The following SNAPC1 variants were observed in gnomAD, a reference collection of about 807,000 sequenced individuals.
The protein encoded by SNAPC1 is snRNA-activating protein complex subunit 1.
A neutral mutation model predicts 50.1 loss-of-function variants in SNAPC1; 42 were observed. The ratio of observed to expected loss-of-function variants is 0.84; its 90% CI spans 0.65 to 1.08. SNAPC1 has a LOEUF of 1.08. Ranked by LOEUF, SNAPC1 falls within the 50% of genes least tolerant of loss-of-function variation. The pLI is 0.00. For missense variants in SNAPC1, 477 were observed against 427.3 expected, an observed-to-expected ratio of 1.12 and a Z score of -1.02; for synonymous variants, 164 against 144.2, an observed-to-expected ratio of 1.14 and a Z score of -0.98.
At chr14:61,781,453 AAAAAAAAAAAAAAAAAGGACAG>A (rs1290043630) in intron 7 of SNAPC1, among the ~76,000 whole-genome samples, 1 of 147,920 alleles carries the variant, frequency 6.8e-6, no homozygotes, top group Non-Finnish European at 1.5e-5. Context: ...CCATCTCCAA[AAAAAAAAAAAAAAAAAGGACAG>A]AAAAAAGAAT....
intron 8 of SNAPC1, among the ~76,000 whole-genome samples, chr14:61,784,656 A>G (rs1412804574): frequency 6.6e-6 from 1 of 152,228 alleles, no homozygotes; most frequent in Admixed American, 6.5e-5. Context: ...GTATAAAAGC[A>G]GGTGGTTGGT....
At chr14:61,790,809 A>G (rs1011211412) in intron 8 of SNAPC1, among the ~76,000 whole-genome samples, 3 of 151,464 alleles carry the variant, frequency 2.0e-5, no homozygotes, top group African/African-American at 7.3e-5. Context: ...CTCAGATTAG[A>G]CATACACTTA....
intron 8 of SNAPC1, among the ~76,000 whole-genome samples, chr14:61,785,625 G>A (rs1297012663): frequency 6.6e-6 from 1 of 152,154 alleles, no homozygotes; most frequent in East Asian, 1.9e-4. Flanking sequence ...ATACATTTTA[G>A]GGAGACATGA....
intron 8 of SNAPC1, among the ~76,000 whole-genome samples, chr14:61,786,905 T>C (rs1480032095): frequency 1.3e-5 from 2 of 152,224 alleles, no homozygotes; most frequent in Non-Finnish European, 2.9e-5. Context: ...TAAAAATCCT[T>C]CCACTGCTGA....
rs1385889746 is a variant in SNAPC1 at position 61,795,651 on chromosome 14, ATCTT to A, written c.*670_*673del. ...AAGTATTTAAGTACTTTCTAATAAA[ATCTT>A]TAACAATAATAATGTAAATTTCAGA... On this transcript the variant is annotated 3_prime_UTR_variant, in exon 10 of 10. Transcript: ENST00000216294. 6.6e-6 allele frequency: 1 copy of A among 152,104 alleles called. No homozygotes were observed. The highest frequency in any genetic ancestry group is 1.5e-5 in the Non-Finnish European group (1 of 68,022). The allele number at this position is 152,104 out of a possible 1,614,324, so 9.4% of individuals were successfully genotyped here.
intron 1 of SNAPC1, among the ~76,000 whole-genome samples, chr14:61,763,621 CTT>C (rs1340877629): frequency 6.6e-6 from 1 of 151,066 alleles, no homozygotes; most frequent in Non-Finnish European, 1.5e-5. Flanking sequence ...CGGGGGAAGT[CTT>C]TTTTGCTCTT....
chr14:61,778,418 T>C (rs183975432), intron 6 of SNAPC1, among the ~76,000 whole-genome samples: 64 of 152,352 alleles, frequency 4.2e-4, no homozygotes, highest in Non-Finnish European at 5.9e-4. Flanking sequence ...ATATATCTTT[T>C]CTCACTTGTC....
intron 4 of SNAPC1, among the ~76,000 whole-genome samples, chr14:61,770,484 T>A (rs895405578): frequency 6.6e-6 from 1 of 152,146 alleles, no homozygotes; most frequent in Non-Finnish European, 1.5e-5. Flanking sequence ...CCTCAAGCGA[T>A]CTGCCTGCAT....
intron 8 of SNAPC1, among the ~76,000 whole-genome samples, chr14:61,788,171 G>C (rs2045128170): frequency 6.6e-6 from 1 of 152,264 alleles, no homozygotes; most frequent in African/African-American, 2.4e-5. Flanking sequence ...CAGGGTGTTA[G>C]GGAGGATTTA....
chr14:61,768,686 A>C lies in SNAPC1; in HGVS notation c.480A>C (p.Glu160Asp), dbSNP rs763240605. The change falls in exon 4 of 10, where the codon GAA becomes GAC. Residue 160 changes from glutamate (E) to aspartate (D), a missense_variant. Physicochemically the swap from Glu to Asp is conservative, Grantham distance 45. Coordinates refer to ENST00000216294, the MANE Select transcript of SNAPC1 (RefSeq NM_003082.4). ...TTCACCGAGCTGAAGTTACAGAAGA[A>C]TTTAAGGACCCAAGTGATCGTGTGA... ...KKIHRAEVTE[E>D]FKDPSDRVMK... 4.1e-5 allele frequency: 66 copies of C among 1,612,440 alleles called. No homozygotes were observed. The highest frequency in any genetic ancestry group is 5.3e-5 in the Non-Finnish European group (63 of 1,178,816).
chr14:61,779,555 GTTTGT>G (rs1350682876), intron 7 of SNAPC1, among the ~76,000 whole-genome samples: 4 of 150,996 alleles, frequency 2.6e-5, no homozygotes, highest in South Asian at 2.1e-4. Context: ...TTCTCTGAAT[GTTTGT>G]TTTATTTTTT....
chr14:61,787,949 T>G (rs985296538), intron 8 of SNAPC1, among the ~76,000 whole-genome samples: 1 of 151,874 alleles, frequency 6.6e-6, no homozygotes, highest in African/African-American at 2.4e-5. Context: ...GAAAAAAAAA[T>G]TTTTTAATGT....
chr14:61,795,144 A>G lies in SNAPC1; in HGVS notation c.*161A>G, dbSNP rs2045179927. On this transcript the variant is annotated 3_prime_UTR_variant, in exon 10 of 10. Transcript: ENST00000216294. ...CAATACGTAGTTCTAGAATAAAAGT[A>G]CAAAAAATTAGAATAAGAATTCTTT... 1 of 509,632 alleles carries G rather than the reference A, an allele frequency of 2.0e-6. No individual in the cohort carries two copies. The highest frequency in any genetic ancestry group is 3.5e-6 in the Non-Finnish European group (1 of 287,752). The allele number at this position is 509,632 out of a possible 1,614,324, so 31.6% of individuals were successfully genotyped here. A position where few individuals can be genotyped will look rare whatever the true frequency, so the allele number is the denominator to read the frequency against.
intron 7 of SNAPC1, 58 bp from the exon 8 acceptor site, chr14:61,782,189 A>T: frequency 7.8e-7 from 1 of 1,283,504 alleles, no homozygotes; most frequent in East Asian, 2.4e-5. Context: ...CTTCCTCTCA[A>T]TTTTATCATT....
At chr14:61,766,405 T>C (rs1305522137) in intron 1 of SNAPC1, among the ~76,000 whole-genome samples, 1 of 152,234 alleles carries the variant, frequency 6.6e-6, no homozygotes, top group Non-Finnish European at 1.5e-5. Context: ...TGACCCTGTC[T>C]CCTTTGTTCA....
At chr14:61,771,000 C>A (rs1481773875) in intron 4 of SNAPC1, among the ~76,000 whole-genome samples, 2 of 152,252 alleles carry the variant, frequency 1.3e-5, no homozygotes, top group Non-Finnish European at 2.9e-5. Context: ...CCTCAGCCTC[C>A]CAAAGTACTG....
At chr14:61,791,509 A>G (rs1439203202) in intron 8 of SNAPC1, among the ~76,000 whole-genome samples, 1 of 152,172 alleles carries the variant, frequency 6.6e-6, no homozygotes, top group Non-Finnish European at 1.5e-5. Context: ...AGTCATGGTC[A>G]CCATCATGAG....
At position 61,787,708 on chromosome 14, in the gene SNAPC1, A is replaced by G. The variant is rs1160275844; in HGVS notation, c.977-5099A>G. On this transcript the variant is annotated intron_variant, in intron 8 of 9. Transcript: ENST00000216294. The stretch of plus-strand genomic sequence containing the variant: ...CAAGTCTCAGCTATTGTTAAGGCAC[A>G]TACTCCTAAATTTGGTTTTCAGTCT... 2.0e-5 allele frequency among the ~76,000 whole-genome samples: 3 copies of G among 152,256 alleles called. No individual in the cohort carries two copies. The East Asian group carries it at 5.8e-4, about 29-fold the overall frequency.
intron 8 of SNAPC1, among the ~76,000 whole-genome samples, chr14:61,782,783 G>A (rs1057412352): frequency 3.9e-5 from 6 of 152,004 alleles, no homozygotes; most frequent in Admixed American, 3.9e-4. Flanking sequence ...GCGCATGCCT[G>A]TAATCCCAGC....
Sources: gnomAD v4.1 joint callset for allele counts (sites outside exome capture counted in the v4.1 genomes callset) on GRCh38, gnomAD v4.1.1 for gene constraint, MANE v1.5 for transcripts, NCBI Gene and HGNC (gene_info 2026-07-23, HGNC 2026-07-21) for gene names.